Variants in EVI5 observed in about 807,000 individuals in gnomAD.
EVI5 encodes ecotropic viral integration site 5, also known as ecotropic viral integration site 5 protein homolog.
In EVI5, 73 loss-of-function variants were observed where a neutral mutation model predicts 112.0. The ratio of observed to expected loss-of-function variants is 0.65; its 90% confidence interval spans 0.54 to 0.79. The LOEUF (loss-of-function observed/expected upper bound fraction) is 0.79, where lower values mean the gene tolerates loss of function less well. EVI5 is among the 30% of genes least tolerant of loss of function. EVI5 has a pLI of 0.00. For missense variants in EVI5, 900 were observed against 968.8 expected (o/e 0.93, Z 0.94); for synonymous variants, 305 against 319.9 (o/e 0.95, Z 0.50).
At chr1:92,694,165 A>G in intron 8 of EVI5, 134 bp downstream of exon 8, 2 of 621,342 alleles carry the variant, frequency 3.2e-6, no homozygotes, top group Non-Finnish European at 5.7e-6. Flanking sequence ...AGAAGGCTGA[A>G]GCGGTAGGAG....
intron 10 of EVI5, among the ~76,000 whole-genome samples, chr1:92,673,185 C>CTTTTTTTTTTTTTT (rs35702596): frequency 1.6e-4 from 20 of 123,554 alleles, no homozygotes; most frequent in African/African-American, 4.8e-4. Context: ...TAACACTTCT[C>CTTTTTTTTTTTTTT]TTTTTTTTTT....
At chr1:92,520,643 G>A (rs1425770936) in intron 19 of EVI5, among the ~76,000 whole-genome samples, 1 of 151,964 alleles carries the variant, frequency 6.6e-6, no homozygotes, top group African/African-American at 2.4e-5. Flanking sequence ...TTGAGCCTAG[G>A]AGTATGAGAC....
At chr1:92,601,962 C>T (rs1027359555) in intron 18 of EVI5, among the ~76,000 whole-genome samples, 24 of 152,086 alleles carry the variant, frequency 1.6e-4, no homozygotes, top group African/African-American at 2.9e-4. Flanking sequence ...AAATCACATA[C>T]GATAGCATGA....
chr1:92,726,416 T>G (rs1675577442), intron 2 of EVI5, among the ~76,000 whole-genome samples: 1 of 152,130 alleles, frequency 6.6e-6, no homozygotes, highest in South Asian at 2.1e-4. Flanking sequence ...CATTAAAATA[T>G]TTGGAAAATA....
intron 2 of EVI5, among the ~76,000 whole-genome samples, chr1:92,714,732 G>A (rs1673353520): frequency 6.6e-6 from 1 of 152,134 alleles, no homozygotes; most frequent in Non-Finnish European, 1.5e-5. Context: ...TAGGACTACA[G>A]GAACATGCCA....
rs752982938 is a variant in EVI5, at chr1:92,703,401, T to C, written c.558A>G (p.Val186=). 6.5e-7 allele frequency: 1 copy of C among 1,532,722 alleles called. No homozygotes were observed. 94.9% of individuals were successfully genotyped at this position (1,532,722 alleles called of 1,614,324 possible). A position where few individuals can be genotyped will look rare whatever the true frequency, so the allele number is the denominator to read the frequency against. ...DSLGQEVLFN[V]MKAYSLVDRE... ...ATGAATAAATAAAACTTACCTTCAT[T>C]ACATTAAATAAAACCTCCTGTCCAA... Residue 186 remains valine, a synonymous_variant, in exon 4 of 20, where the codon GTA becomes GTG. Transcript: ENST00000684568.
intron 14 of EVI5, 53 bp from the exon 15 acceptor site, chr1:92,625,987 C>T (rs2101795901): frequency 9.0e-6 from 10 of 1,107,040 alleles, no homozygotes; most frequent in Non-Finnish European, 1.4e-5. Flanking sequence ...GAATAAAATA[C>T]AGCACACACA....
intron 1 of EVI5, among the ~76,000 whole-genome samples, chr1:92,766,167 G>A (rs1232418699): frequency 6.7e-6 from 1 of 149,588 alleles, no homozygotes; most frequent in Non-Finnish European, 1.5e-5. Context: ...AAGAACACTG[G>A]AAAACTGAAA....
intron 13 of EVI5, among the ~76,000 whole-genome samples, chr1:92,648,897 T>C (rs536189154): frequency 4.6e-5 from 7 of 152,348 alleles, no homozygotes; most frequent in South Asian, 4.1e-4. Context: ...CTGAGTTGAA[T>C]AGCAGGGTAC....
chr1:92,740,677 TA>T (rs1678231518), intron 1 of EVI5, among the ~76,000 whole-genome samples: 1 of 152,224 alleles, frequency 6.6e-6, no homozygotes, highest in Non-Finnish European at 1.5e-5. Context: ...CATGTATGTA[TA>T]AAATCAACTA....
chr1:92,569,216 G>A (rs1669945101), intron 18 of EVI5, among the ~76,000 whole-genome samples: 1 of 152,166 alleles, frequency 6.6e-6, no homozygotes, highest in Non-Finnish European at 1.5e-5. Flanking sequence ...GAAAGATTGA[G>A]TGAACTGGTT....
At chr1:92,723,536 T>C (rs1675078616) in intron 2 of EVI5, among the ~76,000 whole-genome samples, 1 of 152,224 alleles carries the variant, frequency 6.6e-6, no homozygotes, top group Non-Finnish European at 1.5e-5. Flanking sequence ...AATACTCTTA[T>C]AATTTCTTAG....
chr1:92,542,924 A>G (rs1225706300), intron 19 of EVI5, among the ~76,000 whole-genome samples: 1 of 152,194 alleles, frequency 6.6e-6, no homozygotes, highest in East Asian at 1.9e-4. Context: ...TGCTGTAATG[A>G]GATGTGCAGT....
chr1:92,561,662 T>A (rs538917561), intron 19 of EVI5, among the ~76,000 whole-genome samples: 6 of 123,332 alleles, frequency 4.9e-5, no homozygotes, highest in African/African-American at 1.8e-4. Flanking sequence ...TCTATCTATC[T>A]ATCAGAGTCT....
At chr1:92,555,133 T>C (rs1667488146) in intron 19 of EVI5, among the ~76,000 whole-genome samples, 1 of 152,196 alleles carries the variant, frequency 6.6e-6, no homozygotes, top group African/African-American at 2.4e-5. Context: ...ACCTTCTGGG[T>C]AGGGGGATAA....
chr1:92,580,002 T>C (rs542055156), intron 18 of EVI5, among the ~76,000 whole-genome samples: 15 of 152,354 alleles, frequency 9.8e-5, no homozygotes, highest in Middle Eastern at 3.4e-3. Flanking sequence ...ATAATAATCA[T>C]ATATGTATTA....
At chr1:92,789,438 G>T (rs942842011), upstream of EVI5, among the ~76,000 whole-genome samples, 6 of 152,000 alleles carry the variant, frequency 3.9e-5, no homozygotes, top group African/African-American at 1.5e-4. Context: ...GAGCAGCTGG[G>T]ACTACAGGCG....
intron 2 of EVI5, among the ~76,000 whole-genome samples, chr1:92,709,014 T>C (rs1448215487): frequency 1.3e-5 from 2 of 152,158 alleles, no homozygotes; most frequent in Non-Finnish European, 2.9e-5. Flanking sequence ...TGAAAAAAAT[T>C]CTAAAATTGA....
intron 10 of EVI5, among the ~76,000 whole-genome samples, chr1:92,672,518 C>G (rs971343219): frequency 1.3e-5 from 2 of 152,186 alleles, no homozygotes; most frequent in African/African-American, 2.4e-5. Context: ...TACCCAAACA[C>G]TACCATTTTA....
Sources: allele counts gnomAD v4.1 joint callset (sites outside exome capture counted in the v4.1 genomes callset), GRCh38; gene constraint gnomAD v4.1.1; transcripts MANE v1.5; gene names NCBI Gene and HGNC (gene_info 2026-07-23, HGNC 2026-07-21).